XYLB: variants seen among roughly 807,000 people sequenced by gnomAD.
XYLB encodes the protein xylulokinase.
In XYLB, 62 loss-of-function variants were observed where a neutral mutation model predicts 78.7. That is an observed-to-expected ratio of 0.79 (90% confidence interval 0.64 to 0.97). The LOEUF (loss-of-function observed/expected upper bound fraction) is 0.97, where lower values mean the gene tolerates loss of function less well. Ranked by LOEUF, XYLB falls within the 50% of genes least tolerant of loss-of-function variation. XYLB has a pLI of 0.00. For synonymous variants in XYLB, 245 were observed against 247.4 expected, an observed-to-expected ratio of 0.99 and a Z score of 0.09; for missense variants, 687 against 676.8, an observed-to-expected ratio of 1.02 and a Z score of -0.17.
At chr3:38,428,577 C>T in the XYLB span, among the ~76,000 whole-genome samples, 4 of 152,042 alleles carry the variant, frequency 2.6e-5, no homozygotes, top group Non-Finnish European at 4.4e-5. Context: ...TCCTCTTTTT[C>T]CCTGTTAATA....
chr3:38,379,325 G>A lies in XYLB; in HGVS notation c.1274G>A (p.Gly425Asp). ...ATGGCCAAGAGGATTCACGCAGAAGGCCTGGGCTATCGAGTCAGTAAGTGA... is the reference window on the plus strand; with the variant it reads ...ATGGCCAAGAGGATTCACGCAGAAGACCTGGGCTATCGAGTCAGTAAGTGA... The part of the protein sequence containing the change: ...QFMAKRIHAE[G>D]LGYRVMSKTK... Residue 425 changes from glycine to aspartate, a missense_variant, in exon 15 of 19, where the codon GGC (glycine) becomes GAC (aspartate). Coordinates refer to ENST00000207870, the MANE Select transcript of XYLB (RefSeq NM_005108.4). 1 of 1,614,120 alleles carries A rather than the reference G, an allele frequency of 6.2e-7. No individual in the cohort carries two copies. The highest frequency in any genetic ancestry group is 2.2e-5 in the East Asian group (1 of 44,870).
the XYLB span, among the ~76,000 whole-genome samples, chr3:38,430,568 A>G: frequency 1.3e-5 from 2 of 152,198 alleles, no homozygotes; most frequent in Non-Finnish European, 2.9e-5. Context: ...ATTAGATCCC[A>G]AATGTCTATT....
intron 7 of XYLB, 109 bp downstream of exon 7, chr3:38,366,982 A>G (rs1706300114): frequency 6.9e-6 from 5 of 719,504 alleles, no homozygotes; most frequent in Non-Finnish European, 7.2e-6. Context: ...ATAAGCAGAC[A>G]TTAACAAATG....
the XYLB span, among the ~76,000 whole-genome samples, chr3:38,438,049 T>C: frequency 1.3e-5 from 2 of 151,680 alleles, no homozygotes; most frequent in Admixed American, 1.3e-4. Context: ...AGCAAGATTC[T>C]GTCTCAAAAA....
At chr3:38,420,383 C>T (rs1446776661) in exon 18 of XYLB, among the ~76,000 whole-genome samples, 3 of 152,170 alleles carry the variant, frequency 2.0e-5, no homozygotes, top group Admixed American at 6.5e-5. Flanking sequence ...CTGATCTTAG[C>T]GGACAGCATT....
intron 15 of XYLB, among the ~76,000 whole-genome samples, chr3:38,383,789 T>A (rs1252100931): frequency 1.3e-5 from 2 of 152,068 alleles, no homozygotes; most frequent in Admixed American, 1.3e-4. Context: ...CGAGACCATG[T>A]CTCAAAAAAA....
At chr3:38,440,836 C>G in the XYLB span, among the ~76,000 whole-genome samples, 1 of 151,928 alleles carries the variant, frequency 6.6e-6, no homozygotes, top group African/African-American at 2.4e-5. Flanking sequence ...CCTTCTCTGT[C>G]TCTTTCTCTC....
chr3:38,409,636 C>A (rs1261047962), intron 18 of XYLB, among the ~76,000 whole-genome samples: 1 of 152,148 alleles, frequency 6.6e-6, no homozygotes, highest in Admixed American at 6.6e-5. Context: ...ATCTAGAAAA[C>A]CCCATTTTCT....
chr3:38,348,667 G>C (rs780372152), intron 2 of XYLB, 35 bp downstream of exon 2: 3 of 1,607,730 alleles, frequency 1.9e-6, no homozygotes, highest in South Asian at 2.2e-5. Context: ...TGTGATGGGG[G>C]TGTTGGTTTT....
chr3:38,400,821 C>G, intron 17 of XYLB, 70 bp from the exon 18 acceptor site: 1 of 1,335,380 alleles, frequency 7.5e-7, no homozygotes, highest in South Asian at 1.3e-5. Context: ...CAGTGAGATC[C>G]TTCGTGGTGT....
chr3:38,351,128 C>T (rs1379967311), intron 2 of XYLB, among the ~76,000 whole-genome samples: 10 of 135,662 alleles, frequency 7.4e-5, no homozygotes, highest in South Asian at 7.1e-4. Context: ...GCCAAGATCG[C>T]GCCACTGCAC....
chr3:38,439,009 C>T, the XYLB span, among the ~76,000 whole-genome samples: 264 of 152,290 alleles, frequency 1.7e-3, 2 homozygotes, highest in Non-Finnish European at 1.1e-3. Context: ...ATCCTAGCTA[C>T]AGAGTGCTGA....
At chr3:38,378,685 G>A (rs1706989714) in intron 14 of XYLB, among the ~76,000 whole-genome samples, 1 of 151,670 alleles carries the variant, frequency 6.6e-6, no homozygotes, top group South Asian at 2.1e-4. Flanking sequence ...TTTATGAGGG[G>A]GATGGCGGCA....
intron 17 of XYLB, among the ~76,000 whole-genome samples, chr3:38,397,854 C>CT (rs1296877846): frequency 7.0e-6 from 1 of 143,848 alleles, no homozygotes; most frequent in African/African-American, 2.5e-5. Context: ...GAGTCTTGCT[C>CT]TGTCACCAGG....
chr3:38,393,208 C>T lies in XYLB; in HGVS notation c.1292-2297C>T, dbSNP rs538411702. 1.4e-3 allele frequency among the ~76,000 whole-genome samples: 210 copies of T among 151,892 alleles called. 1 individual carries two copies. Among genetic ancestry groups the T allele is most frequent in the Middle Eastern group, 6.8e-3 (2 of 292 alleles). On this transcript the variant is annotated intron_variant, in intron 15 of 18. Transcript: ENST00000207870. ...CTTTGCCGCACAGGCTGGAGTGCAG[C>T]GGCGCGATCTCAGCTCACTGCAACC...
intron 18 of XYLB, among the ~76,000 whole-genome samples, chr3:38,412,100 C>G (rs1294144273): frequency 6.6e-6 from 1 of 151,812 alleles, no homozygotes; most frequent in East Asian, 1.9e-4. Flanking sequence ...AAGTGATTCT[C>G]CTACCTCAGC....
intron 7 of XYLB, 95 bp from the exon 8 acceptor site, chr3:38,368,090 T>A: frequency 8.1e-7 from 1 of 1,231,608 alleles, no homozygotes. Flanking sequence ...CACTTCCCTC[T>A]CCAATTTTTT....
At chr3:38,436,379 T>C in the XYLB span, among the ~76,000 whole-genome samples, 17 of 151,922 alleles carry the variant, frequency 1.1e-4, no homozygotes, top group Admixed American at 5.2e-4. Flanking sequence ...CAAGAAGAAA[T>C]AGAAAACGCA....
the XYLB span, among the ~76,000 whole-genome samples, chr3:38,448,007 A>T: frequency 6.6e-6 from 1 of 152,124 alleles, no homozygotes; most frequent in Non-Finnish European, 1.5e-5. Context: ...GCTTGAGCCC[A>T]AGAGTTTGAG....
Sources: allele counts gnomAD v4.1 joint callset (sites outside exome capture counted in the v4.1 genomes callset), GRCh38; gene constraint gnomAD v4.1.1; transcripts MANE v1.5; gene names NCBI Gene and HGNC (gene_info 2026-07-23, HGNC 2026-07-21).